Variants in TGS1 observed in about 807,000 individuals in gnomAD.
TGS1 encodes trimethylguanosine synthase 1, also known as trimethylguanosine synthase.
TGS1 carries 69 observed loss-of-function variants against 92.2 expected under a neutral mutation model. The ratio of observed to expected loss-of-function variants is 0.75; its 90% CI spans 0.62 to 0.91. The LOEUF is 0.91. Among genes scored for constraint, TGS1 ranks in the 40% least tolerant of loss-of-function variants. The pLI, the probability that TGS1 is intolerant of heterozygous loss-of-function variation, is 0.00. For missense variants in TGS1, 1,062 were observed against 1,001.2 expected, an observed-to-expected ratio of 1.06 and a Z score of -0.82; for synonymous variants, 345 against 338.1, an observed-to-expected ratio of 1.02 and a Z score of -0.22.
intron 11 of TGS1, among the ~76,000 whole-genome samples, chr8:55,812,154 T>A (rs1373384534): frequency 6.6e-6 from 1 of 152,118 alleles, no homozygotes; most frequent in East Asian, 1.9e-4. Context: ...TTGTTATTTG[T>A]CACTTTCGCC....
Position 55,786,994 on chromosome 8 carries a change from C to T in TGS1, c.1096C>T (p.Arg366Cys), listed in dbSNP as rs765611540. ...ECPASGQSEP[R>C]NGGTNEESNS... ...CCCTGCTTCCGGCCAAAGTGAACCA[C>T]GTAATGGAGGAACCAATGAGGAAAG... is the stretch of plus-strand genomic sequence containing the variant. The change falls in exon 4 of 13, where the codon CGT (arginine) becomes TGT (cysteine). Residue 366 changes from arginine to cysteine, a missense_variant. Physicochemically the swap from Arg to Cys is radical, Grantham distance 180. Transcript: ENST00000260129. 36 of 1,613,908 alleles carry T rather than the reference C, an allele frequency of 2.2e-5. No homozygotes were observed. The highest frequency in any genetic ancestry group is 6.6e-5 in the South Asian group (6 of 91,068).
At chr8:55,804,389 C>T (rs565822414) in intron 9 of TGS1, among the ~76,000 whole-genome samples, 1 of 152,250 alleles carries the variant, frequency 6.6e-6, no homozygotes, top group Admixed American at 6.5e-5. Flanking sequence ...TGCAATGAGC[C>T]AAGATCATGC....
At chr8:55,793,766 A>ATTTT (rs1325485208) in intron 6 of TGS1, among the ~76,000 whole-genome samples, 2 of 127,118 alleles carry the variant, frequency 1.6e-5, no homozygotes, top group African/African-American at 6.3e-5. Context: ...TTATTTATTT[A>ATTTT]TTTATTTATT....
At chr8:55,806,967 G>A (rs575620523) in intron 10 of TGS1, among the ~76,000 whole-genome samples, 1 of 146,170 alleles carries the variant, frequency 6.8e-6, no homozygotes, top group Admixed American at 7.0e-5. Flanking sequence ...TCACTCTGTC[G>A]CCCAGGCTGG....
chr8:55,786,892 A>G lies in TGS1; in HGVS notation c.994A>G (p.Thr332Ala), dbSNP rs140022488. 2.8e-5 allele frequency: 45 copies of G among 1,614,094 alleles called. No homozygotes were observed. The highest frequency in any genetic ancestry group is 3.6e-5 in the Non-Finnish European group (43 of 1,180,032). The change falls in exon 4 of 13, where the codon ACA becomes GCA. Residue 332 changes from threonine (T) to alanine (A), a missense_variant. By Grantham distance (58) the Thr-to-Ala change is moderately conservative. Coordinates refer to ENST00000260129, the MANE Select transcript of TGS1 (RefSeq NM_024831.8). ...SNIKLNSEEV[T>A]QSQLDSCTSH... ...CATAAAACTGAATTCAGAGGAAGTA[A>G]CACAGAGCCAATTAGATTCCTGTAC...
intron 12 of TGS1, among the ~76,000 whole-genome samples, chr8:55,817,076 G>A (rs1803501284): frequency 1.3e-5 from 2 of 152,064 alleles, no homozygotes; most frequent in Admixed American, 6.6e-5. Flanking sequence ...CGTTGGCCAG[G>A]ATGGTCTCGA....
chr8:55,816,735 G>T (rs544003579), intron 12 of TGS1, among the ~76,000 whole-genome samples: 13 of 152,238 alleles, frequency 8.5e-5, no homozygotes, highest in African/African-American at 2.6e-4. Context: ...TAACATTTGG[G>T]CAAGGCAAAT....
chr8:55,792,831 C>T, intron 6 of TGS1, 47 bp downstream of exon 6: 2 of 1,309,352 alleles, frequency 1.5e-6, no homozygotes, highest in Non-Finnish European at 2.2e-6. Flanking sequence ...CTAACCACTT[C>T]AACTATCTTA....
intron 7 of TGS1, 83 bp downstream of exon 7, chr8:55,796,235 G>A: frequency 9.1e-7 from 1 of 1,093,214 alleles, no homozygotes; most frequent in Non-Finnish European, 1.3e-6. Flanking sequence ...ATTCAAATAG[G>A]AAGCTTGTTT....
chr8:55,802,619 T>C lies in TGS1; in HGVS notation c.1999+13T>C. The C allele has an allele frequency of 6.3e-7, 1 of 1,584,316 alleles. No homozygotes were observed. On this transcript the variant is annotated intron_variant, in intron 9 of 12. Coordinates refer to ENST00000260129, the MANE Select transcript of TGS1 (RefSeq NM_024831.8). Reference sequence around the variant, plus strand: ...AAGTTGGACAGAGGTAAAGTATATATGTATTTTTTAGCTTTATTTTGAAAC... The same window carrying C: ...AAGTTGGACAGAGGTAAAGTATATACGTATTTTTTAGCTTTATTTTGAAAC...
chr8:55,825,769 A>G lies in TGS1; in HGVS notation c.*1066A>G, dbSNP rs1803778646. ...ACAATTTATCTGATTGCTCTGCAGT[A>G]CAGTAGCAACTGAGCTGATCAATAA... On this transcript the variant is annotated 3_prime_UTR_variant, in exon 13 of 13. Transcript: ENST00000260129. Among the ~76,000 whole-genome samples the G allele has an allele frequency of 6.6e-6, 1 of 152,062 alleles. No individual in the cohort carries two copies. The highest frequency in any genetic ancestry group is 1.5e-5 in the Non-Finnish European group (1 of 68,048).
At chr8:55,812,644 A>C (rs1241071119) in intron 11 of TGS1, among the ~76,000 whole-genome samples, 1 of 152,112 alleles carries the variant, frequency 6.6e-6, no homozygotes, top group Non-Finnish European at 1.5e-5. Flanking sequence ...AGATTACGCT[A>C]CTGCACTCCA....
At chr8:55,804,567 C>T (rs552207791) in intron 9 of TGS1, among the ~76,000 whole-genome samples, 2 of 152,088 alleles carry the variant, frequency 1.3e-5, no homozygotes, top group Non-Finnish European at 2.9e-5. Flanking sequence ...GCAGCTAGTT[C>T]TCTATTTTCC....
intron 5 of TGS1, among the ~76,000 whole-genome samples, chr8:55,790,612 ACTC>A (rs1795736246): frequency 6.6e-6 from 1 of 151,586 alleles, no homozygotes; most frequent in Admixed American, 6.6e-5. Flanking sequence ...TTGAACTTGA[ACTC>A]CTCAGCTCAA....
chr8:55,821,709 T>TAA (rs1394429725), intron 12 of TGS1, among the ~76,000 whole-genome samples: 1 of 151,830 alleles, frequency 6.6e-6, no homozygotes, highest in African/African-American at 2.4e-5. Context: ...CTGTCTCTAC[T>TAA]AAAAATACAA....
chr8:55,781,847 G>A (rs78110158), intron 1 of TGS1, among the ~76,000 whole-genome samples: 2,047 of 152,298 alleles, frequency 0.013, 40 homozygotes, highest in African/African-American at 0.047. Context: ...CCTTCTTGTG[G>A]CAGTTACAGT....
At chr8:55,787,566 A>G (rs994100993) in intron 4 of TGS1, among the ~76,000 whole-genome samples, 16 of 152,256 alleles carry the variant, frequency 1.1e-4, no homozygotes, top group Non-Finnish European at 2.2e-4. Flanking sequence ...ATCCAGGATA[A>G]GGAACTTGAT....
chr8:55,815,075 A>C (rs1413594890), intron 12 of TGS1, among the ~76,000 whole-genome samples: 1 of 152,220 alleles, frequency 6.6e-6, no homozygotes, highest in Non-Finnish European at 1.5e-5. Flanking sequence ...AAATGTAGAC[A>C]GCCTCATTTG....
At chr8:55,803,129 G>GT (rs879528972) in intron 9 of TGS1, among the ~76,000 whole-genome samples, 2,186 of 148,874 alleles carry the variant, frequency 0.015, 16 homozygotes, top group African/African-American at 0.025. Flanking sequence ...CAATTTGGGG[G>GT]GGTGTGTGTG....
Sources: allele counts gnomAD v4.1 joint callset (sites outside exome capture counted in the v4.1 genomes callset), GRCh38; gene constraint gnomAD v4.1.1; transcripts MANE v1.5; gene names NCBI Gene and HGNC (gene_info 2026-07-23, HGNC 2026-07-21).